Variants in PACSIN2 observed in about 807,000 individuals in gnomAD.
The protein encoded by PACSIN2 is protein kinase C and casein kinase substrate in neurons 2, also known as protein kinase C and casein kinase substrate in neurons protein 2.
PACSIN2 carries 25 observed loss-of-function variants against 63.8 expected under a neutral mutation model. The observed-to-expected ratio is 0.39, with a 90% CI of 0.29 to 0.55. The LOEUF (loss-of-function observed/expected upper bound fraction) is 0.55, where lower values mean the gene tolerates loss of function less well. PACSIN2 is among the 20% of genes least tolerant of loss of function. The pLI, the probability that PACSIN2 is intolerant of heterozygous loss-of-function variation, is 0.62. For synonymous variants in PACSIN2, 255 were observed against 256.2 expected (o/e 1.00, Z 0.05); for missense variants, 518 against 646.9 (o/e 0.80, Z 2.16).
intron 10 of PACSIN2, among the ~76,000 whole-genome samples, chr22:42,874,201 C>T (rs373288518): frequency 3.3e-5 from 5 of 151,842 alleles, no homozygotes; most frequent in African/African-American, 1.2e-4. Context: ...GTGGTCCCAG[C>T]TACGTAGGAG....
chr22:42,909,228 C>T (rs1931288497), intron 2 of PACSIN2, among the ~76,000 whole-genome samples: 1 of 152,150 alleles, frequency 6.6e-6, no homozygotes, highest in African/African-American at 2.4e-5. Context: ...CTAGTGTCTA[C>T]CTTATTCCTC....
intron 1 of PACSIN2, among the ~76,000 whole-genome samples, chr22:42,917,716 T>G (rs527993000): frequency 5.9e-5 from 9 of 152,330 alleles, no homozygotes; most frequent in Admixed American, 3.9e-4. Flanking sequence ...AGTCTGTCGA[T>G]CTTGGCCTTT....
intron 1 of PACSIN2, among the ~76,000 whole-genome samples, chr22:42,926,807 C>T (rs1185253053): frequency 1.3e-5 from 2 of 151,688 alleles, no homozygotes; most frequent in African/African-American, 4.9e-5. Context: ...ATAGCCACTG[C>T]ACTCCTGCCT....
chr22:42,941,581 T>C (rs965992666), intron 1 of PACSIN2, among the ~76,000 whole-genome samples: 3 of 152,212 alleles, frequency 2.0e-5, no homozygotes, highest in Non-Finnish European at 2.9e-5. Context: ...ATTGTAACCA[T>C]CTTAGTGGGT....
intron 1 of PACSIN2, among the ~76,000 whole-genome samples, chr22:42,942,396 GTTGA>G (rs1933211126): frequency 6.6e-6 from 1 of 151,962 alleles, no homozygotes; most frequent in Admixed American, 6.5e-5. Flanking sequence ...TTTTTCTTTT[GTTGA>G]TTGTTTTGGT....
chr22:42,896,986 G>A (rs2146684420), intron 2 of PACSIN2, among the ~76,000 whole-genome samples: 1 of 152,124 alleles, frequency 6.6e-6, no homozygotes, highest in East Asian at 1.9e-4. Context: ...GCCCAGGCTA[G>A]AGTGCAGTGC....
At chr22:42,894,195 C>A (rs147787327) in intron 2 of PACSIN2, among the ~76,000 whole-genome samples, 9 of 151,780 alleles carry the variant, frequency 5.9e-5, no homozygotes, top group African/African-American at 2.2e-4. Context: ...AGAGAAGTTA[C>A]GTGGTTTGTC....
In PACSIN2 at chr22:42,890,242, C is replaced by T. The variant is rs537409391; in HGVS notation, c.453+705G>A. ...GTCTCAATCTCCTGACCTCGTGATC[C>T]GCCTGCCTCAGCCTCCCAAAGTGCT... On this transcript the variant is annotated intron_variant, in intron 4 of 10. Coordinates refer to ENST00000263246, the MANE Select transcript of PACSIN2 (RefSeq NM_001184970.3). Among the ~76,000 whole-genome samples, 146 of 152,166 alleles carry T rather than the reference C, an allele frequency of 9.6e-4. 3 individuals are homozygous for T. In the South Asian group the frequency reaches 0.027, roughly 28 times the overall value.
chr22:42,981,633 G>A (rs1215166622), intron 1 of PACSIN2, among the ~76,000 whole-genome samples: 19 of 122,212 alleles, frequency 1.6e-4, no homozygotes, highest in Admixed American at 6.9e-4. Context: ...CAGCCGCCCC[G>A]TCCGGGAGGG....
At chr22:42,905,493 G>A (rs1931010809) in intron 2 of PACSIN2, among the ~76,000 whole-genome samples, 1 of 152,236 alleles carries the variant, frequency 6.6e-6, no homozygotes, top group South Asian at 2.1e-4. Flanking sequence ...CTACCAGCAA[G>A]TGCTGTCCCT....
intron 1 of PACSIN2, among the ~76,000 whole-genome samples, chr22:42,953,371 A>G (rs5759056): frequency 0.19 from 29,025 of 152,164 alleles, 4,190 homozygotes; most frequent in East Asian, 0.69. Flanking sequence ...AAATCTCACC[A>G]GAAGAACTAC....
chr22:42,924,850 G>T (rs1046997886), intron 1 of PACSIN2, among the ~76,000 whole-genome samples: 1 of 151,164 alleles, frequency 6.6e-6, no homozygotes, highest in Non-Finnish European at 1.5e-5. Context: ...TCTGCCTCCC[G>T]GGTACACGCC....
Position 42,973,289 on chromosome 22 carries a change from C to CT in PACSIN2, c.-78+41731dup, listed in dbSNP as rs1921458064. Among the ~76,000 whole-genome samples the CT allele has an allele frequency of 2.0e-5, 3 of 152,370 alleles. No individual in the cohort carries two copies. The South Asian group carries it at 6.2e-4, about 32-fold the overall frequency. On this transcript the variant is annotated intron_variant, in intron 1 of 10. Coordinates refer to ENST00000263246, the MANE Select transcript of PACSIN2 (RefSeq NM_001184970.3). ...AACAGAAGGTTCAAAATGACAGACT[C>CT]TGTCACAGGTCTCGCCCACAAGGCA...
intron 2 of PACSIN2, chr22:42,909,469 G>A: frequency 2.1e-6 from 1 of 469,806 alleles, no homozygotes; most frequent in South Asian, 1.6e-5. Context: ...GAGTCTCTCA[G>A]ATCCCAGCAG....
At chr22:42,965,353 G>C (rs1273888928) in intron 1 of PACSIN2, among the ~76,000 whole-genome samples, 1 of 152,174 alleles carries the variant, frequency 6.6e-6, no homozygotes, top group African/African-American at 2.4e-5. Flanking sequence ...AGTCATACAG[G>C]TGTTTCCACT....
intron 1 of PACSIN2, among the ~76,000 whole-genome samples, chr22:42,948,717 C>T (rs1933543255): frequency 6.6e-6 from 1 of 152,182 alleles, no homozygotes; most frequent in South Asian, 2.1e-4. Flanking sequence ...CATCTATGCA[C>T]TCAACTATGG....
chr22:42,982,813 A>G (rs1431521381), intron 1 of PACSIN2, among the ~76,000 whole-genome samples: 1 of 132,000 alleles, frequency 7.6e-6, no homozygotes, highest in African/African-American at 2.9e-5. Flanking sequence ...TCCCTCCACT[A>G]TTGTCCTATG....
At chr22:42,952,513 C>T (rs1933739558) in intron 1 of PACSIN2, among the ~76,000 whole-genome samples, 1 of 151,740 alleles carries the variant, frequency 6.6e-6, no homozygotes, top group East Asian at 1.9e-4. Flanking sequence ...CGCGCACCAC[C>T]ACGCCTGGCT....
At chr22:42,966,335 G>A (rs190964915) in intron 1 of PACSIN2, among the ~76,000 whole-genome samples, 8 of 151,740 alleles carry the variant, frequency 5.3e-5, no homozygotes, top group Non-Finnish European at 1.0e-4. Flanking sequence ...CCTGCACTCC[G>A]GCCTGGCGAC....
Sources: allele counts gnomAD v4.1 joint callset (sites outside exome capture counted in the v4.1 genomes callset), GRCh38; gene constraint gnomAD v4.1.1; transcripts MANE v1.5; gene names NCBI Gene and HGNC (gene_info 2026-07-23, HGNC 2026-07-21).